The following ASIC2 variants were observed in gnomAD, a reference collection of about 807,000 sequenced individuals.
The protein encoded by ASIC2 is acid sensing ion channel subunit 2.
A neutral mutation model predicts 57.3 loss-of-function variants in ASIC2; 25 were observed. The ratio of observed to expected loss-of-function variants is 0.44; its 90% CI spans 0.32 to 0.61. The LOEUF is 0.61. Ranked by LOEUF, ASIC2 falls within the 20% of genes least tolerant of loss-of-function variation. ASIC2 has a pLI of 0.06. For synonymous variants in ASIC2, 319 were observed against 307.5 expected (o/e 1.04, Z -0.39); for missense variants, 641 against 738.1 (o/e 0.87, Z 1.52).
At chr17:33,457,030 G>A (rs1912474784) in intron 1 of ASIC2, among the ~76,000 whole-genome samples, 1 of 152,124 alleles carries the variant, frequency 6.6e-6, no homozygotes, top group Non-Finnish European at 1.5e-5. Flanking sequence ...TCCTGCACAA[G>A]CTAATTAATT....
At chr17:33,543,687 C>T (rs554499451) in intron 1 of ASIC2, among the ~76,000 whole-genome samples, 3 of 152,298 alleles carry the variant, frequency 2.0e-5, no homozygotes, top group South Asian at 2.1e-4. Context: ...ACGTACATTA[C>T]CTCGCTTAGT....
intron 1 of ASIC2, among the ~76,000 whole-genome samples, chr17:33,144,032 A>T (rs1426792235): frequency 6.6e-6 from 1 of 151,502 alleles, no homozygotes; most frequent in Non-Finnish European, 1.5e-5. Context: ...CTGGGAACCA[A>T]CTCCCCCTGG....
At chr17:33,165,112 A>G (rs763656169) in intron 1 of ASIC2, among the ~76,000 whole-genome samples, 5 of 152,190 alleles carry the variant, frequency 3.3e-5, no homozygotes, top group Non-Finnish European at 7.3e-5. Context: ...AGGAGGCCCC[A>G]CATGGCCCTG....
chr17:33,408,656 C>T (rs758774128), intron 1 of ASIC2, among the ~76,000 whole-genome samples: 2 of 152,222 alleles, frequency 1.3e-5, no homozygotes, highest in Non-Finnish European at 2.9e-5. Flanking sequence ...CTTTATCCTC[C>T]ACTCCCTGGA....
intron 1 of ASIC2, among the ~76,000 whole-genome samples, chr17:33,790,259 A>C (rs532633088): frequency 6.6e-6 from 1 of 152,320 alleles, no homozygotes; most frequent in African/African-American, 2.4e-5. Context: ...TGCTTGATGC[A>C]TCCCAACTCT....
chr17:33,434,694 G>A (rs904640469), intron 1 of ASIC2, among the ~76,000 whole-genome samples: 5 of 152,200 alleles, frequency 3.3e-5, no homozygotes, highest in Non-Finnish European at 7.3e-5. Flanking sequence ...ATTTACTAGA[G>A]AATAAGCTTC....
chr17:33,273,800 T>C (rs1023675063), intron 1 of ASIC2, among the ~76,000 whole-genome samples: 1 of 151,350 alleles, frequency 6.6e-6, no homozygotes, highest in African/African-American at 2.4e-5. Context: ...CCTTGAAAAG[T>C]TTAAAAAGTT....
intron 1 of ASIC2, among the ~76,000 whole-genome samples, chr17:33,759,686 T>C (rs1406563657): frequency 6.6e-6 from 1 of 152,184 alleles, no homozygotes; most frequent in Admixed American, 6.5e-5. Flanking sequence ...CAGAGTCACC[T>C]CAGGGCTCTG....
chr17:33,664,171 C>G (rs1907396478), intron 1 of ASIC2, among the ~76,000 whole-genome samples: 1 of 152,154 alleles, frequency 6.6e-6, no homozygotes, highest in Non-Finnish European at 1.5e-5. Context: ...CTCCTCTGAC[C>G]TTAGGGCCCT....
At chr17:33,939,298 T>C (rs1358028053) in intron 1 of ASIC2, among the ~76,000 whole-genome samples, 2 of 152,226 alleles carry the variant, frequency 1.3e-5, no homozygotes, top group African/African-American at 4.8e-5. Flanking sequence ...AGAAAACGAA[T>C]CAGAGAGGTC....
chr17:33,071,726 G>A (rs1643888751), intron 3 of ASIC2, among the ~76,000 whole-genome samples: 1 of 152,160 alleles, frequency 6.6e-6, no homozygotes, highest in African/African-American at 2.4e-5. Flanking sequence ...TACTTAGAAA[G>A]AGTTTGACCC....
At chr17:33,875,576 A>T (rs1026843910) in intron 1 of ASIC2, among the ~76,000 whole-genome samples, 11 of 152,126 alleles carry the variant, frequency 7.2e-5, no homozygotes, top group Non-Finnish European at 1.5e-4. Context: ...CCAAAGCCCC[A>T]TTTCAGAGAC....
At chr17:33,765,942 C>A (rs1242886969) in intron 1 of ASIC2, among the ~76,000 whole-genome samples, 2 of 152,208 alleles carry the variant, frequency 1.3e-5, no homozygotes, top group African/African-American at 2.4e-5. Context: ...CTATTACAAG[C>A]AGAGCTGCTT....
intron 4 of ASIC2, 127 bp downstream of exon 4, chr17:33,028,115 T>A (rs531796028): frequency 3.8e-6 from 5 of 1,316,534 alleles, no homozygotes; most frequent in Non-Finnish European, 5.2e-6. Flanking sequence ...AATAACAGAG[T>A]CTTCCCAGAA....
At chr17:33,323,329 C>T (rs1218617570) in intron 1 of ASIC2, among the ~76,000 whole-genome samples, 1 of 152,202 alleles carries the variant, frequency 6.6e-6, no homozygotes, top group Non-Finnish European at 1.5e-5. Flanking sequence ...TATAGTCATA[C>T]AGTAGAGTAC....
intron 1 of ASIC2, among the ~76,000 whole-genome samples, chr17:33,717,348 G>C (rs1909255012): frequency 2.6e-5 from 4 of 152,176 alleles, no homozygotes; most frequent in Non-Finnish European, 1.5e-5. Context: ...TAGAGTGAGG[G>C]CCCTCTGTGG....
chr17:33,263,867 C>A (rs749590661), intron 1 of ASIC2, among the ~76,000 whole-genome samples: 17 of 152,210 alleles, frequency 1.1e-4, no homozygotes, highest in Non-Finnish European at 2.1e-4. Flanking sequence ...GAGGGTGGAG[C>A]CTCGTGAGTC....
intron 1 of ASIC2, among the ~76,000 whole-genome samples, chr17:34,137,513 G>A (rs1336648853): frequency 6.6e-6 from 1 of 152,202 alleles, no homozygotes; most frequent in Non-Finnish European, 1.5e-5. Flanking sequence ...TTGTGTGGAG[G>A]AAACATCTCA....
chr17:33,074,211 T>A lies in ASIC2; in HGVS notation c.987+14652A>T, dbSNP rs574451683. On this transcript the variant is annotated intron_variant, in intron 3 of 9. Coordinates refer to ENST00000225823, the MANE Select transcript of ASIC2 (RefSeq NM_183377.2). ...CAATAGATGGAGGTGCTATGGGTTA[T>A]GTTTTTCTATTTTTGTTTCCTCCCT... is the stretch of plus-strand genomic sequence containing the variant. Among the ~76,000 whole-genome samples, 10 of 152,354 alleles carry A rather than the reference T, an allele frequency of 6.6e-5. 1 individual carries two copies. The South Asian group carries it at 1.2e-3, about 19-fold the overall frequency.
Sources: gnomAD v4.1 joint callset for allele counts (sites outside exome capture counted in the v4.1 genomes callset) on GRCh38, gnomAD v4.1.1 for gene constraint, MANE v1.5 for transcripts, NCBI Gene and HGNC (gene_info 2026-07-23, HGNC 2026-07-21) for gene names.